TRPC4: variants seen among roughly 807,000 people sequenced by gnomAD.
The protein encoded by TRPC4 is short transient receptor potential channel 4.
In TRPC4, 49 loss-of-function variants were observed where a neutral mutation model predicts 99.4. The ratio of observed to expected loss-of-function variants is 0.49; its 90% confidence interval spans 0.39 to 0.63. The LOEUF (loss-of-function observed/expected upper bound fraction) is 0.63, where lower values mean the gene tolerates loss of function less well. Ranked by LOEUF, TRPC4 falls within the 20% of genes least tolerant of loss-of-function variation. The pLI is 0.00. For synonymous variants in TRPC4, 454 were observed against 425.9 expected (o/e 1.07, Z -0.81); for missense variants, 898 against 1,152.9 (o/e 0.78, Z 3.20).
At chr13:37,815,682 C>T (rs1351264527) in intron 1 of TRPC4, among the ~76,000 whole-genome samples, 1 of 151,790 alleles carries the variant, frequency 6.6e-6, no homozygotes, top group Non-Finnish European at 1.5e-5. Flanking sequence ...ACTTCAAGAC[C>T]CCACTGGCAG....
intron 3 of TRPC4, among the ~76,000 whole-genome samples, chr13:37,699,201 A>C (rs1954020144): frequency 1.3e-5 from 2 of 152,102 alleles, no homozygotes; most frequent in South Asian, 4.1e-4. Context: ...ATGAATTAAT[A>C]TGTGAAAAGT....
In TRPC4 at chr13:37,712,482, G is replaced by A. The variant is rs144728209; in HGVS notation, c.898-20147C>T. Among the ~76,000 whole-genome samples the A allele has an allele frequency of 1.3e-3, 205 of 152,250 alleles. 3 individuals carry two copies. The highest frequency in any genetic ancestry group is 9.9e-3 in the Admixed American group (151 of 15,280). On this transcript the variant is annotated intron_variant, in intron 3 of 10. Transcript: ENST00000379705. ...GTCCCATGCATTTTTTCATTGTCAC[G>A]CTATCAGTGAGCGATCACTGGTGTT...
intron 1 of TRPC4, among the ~76,000 whole-genome samples, chr13:37,826,910 C>T (rs1958240149): frequency 6.6e-6 from 1 of 152,128 alleles, no homozygotes. Flanking sequence ...TCAGGTACAC[C>T]AATCAGACGT....
chr13:37,696,559 G>A (rs936766189), intron 3 of TRPC4, among the ~76,000 whole-genome samples: 4 of 152,096 alleles, frequency 2.6e-5, no homozygotes, highest in East Asian at 1.9e-4. Context: ...AGGAACAACC[G>A]TCCTGGCTAC....
intron 2 of TRPC4, among the ~76,000 whole-genome samples, chr13:37,756,635 C>T (rs180861153): frequency 6.6e-5 from 10 of 150,652 alleles, no homozygotes; most frequent in South Asian, 6.3e-4. Flanking sequence ...CAGGTTCAAT[C>T]GATTCTCCTG....
chr13:37,839,164 A>C (rs940665466), intron 1 of TRPC4, among the ~76,000 whole-genome samples: 1 of 152,146 alleles, frequency 6.6e-6, no homozygotes, highest in Non-Finnish European at 1.5e-5. Flanking sequence ...ATTCCCAGGG[A>C]TTTCTACCAA....
At chr13:37,793,793 A>G (rs1459467147) in intron 1 of TRPC4, among the ~76,000 whole-genome samples, 8 of 152,098 alleles carry the variant, frequency 5.3e-5, no homozygotes, top group Non-Finnish European at 7.4e-5. Context: ...GCTTAAACTG[A>G]AGGGAAATTG....
intron 3 of TRPC4, among the ~76,000 whole-genome samples, chr13:37,712,927 C>T (rs1337572107): frequency 6.6e-6 from 1 of 152,148 alleles, no homozygotes; most frequent in Non-Finnish European, 1.5e-5. Context: ...ATTGAAGATG[C>T]ACATGACTGA....
intron 3 of TRPC4, among the ~76,000 whole-genome samples, chr13:37,706,458 A>AAGTC (rs1214122028): frequency 3.3e-5 from 5 of 152,046 alleles, no homozygotes; most frequent in Non-Finnish European, 5.9e-5. Context: ...TCCAGGTTAG[A>AAGTC]AGTCAGTGCT....
intron 3 of TRPC4, among the ~76,000 whole-genome samples, chr13:37,711,637 C>T (rs1000621550): frequency 3.3e-5 from 5 of 151,862 alleles, no homozygotes; most frequent in Non-Finnish European, 5.9e-5. Context: ...GAAAAAAATA[C>T]AGTAATCTGT....
intron 8 of TRPC4, among the ~76,000 whole-genome samples, chr13:37,647,591 G>T (rs970397720): frequency 6.6e-6 from 1 of 152,172 alleles, no homozygotes; most frequent in Non-Finnish European, 1.5e-5. Flanking sequence ...ATTTCCCCCT[G>T]CTCTGTCTCT....
At chr13:37,689,101 C>T (rs1953593343) in intron 4 of TRPC4, among the ~76,000 whole-genome samples, 1 of 152,154 alleles carries the variant, frequency 6.6e-6, no homozygotes, top group Non-Finnish European at 1.5e-5. Flanking sequence ...CAACACTATA[C>T]CTCCCCCGAA....
At chr13:37,736,330 G>A (rs573254982) in intron 3 of TRPC4, among the ~76,000 whole-genome samples, 3 of 152,094 alleles carry the variant, frequency 2.0e-5, no homozygotes, top group East Asian at 1.9e-4. Flanking sequence ...CTCAGCAATC[G>A]GTCATTGAGC....
intron 8 of TRPC4, among the ~76,000 whole-genome samples, chr13:37,645,263 T>C (rs1951835486): frequency 6.6e-6 from 1 of 152,140 alleles, no homozygotes; most frequent in Non-Finnish European, 1.5e-5. Context: ...AAAGACCATC[T>C]AGTGAGAAAC....
intron 3 of TRPC4, among the ~76,000 whole-genome samples, chr13:37,729,720 G>C (rs1955182235): frequency 6.6e-6 from 1 of 152,068 alleles, no homozygotes; most frequent in African/African-American, 2.4e-5. Context: ...TAGGCTAAGT[G>C]AAATAAGCCA....
intron 2 of TRPC4, among the ~76,000 whole-genome samples, chr13:37,759,926 A>G (rs542172656): frequency 1.3e-5 from 2 of 152,014 alleles, no homozygotes; most frequent in Non-Finnish European, 2.9e-5. Flanking sequence ...AATGTTTTTC[A>G]AAAGAGAAAA....
At position 37,637,047 on chromosome 13, in the gene TRPC4, G is replaced by C; in HGVS notation, c.2790C>G (p.Phe930Leu). 1 of 1,613,686 alleles carries C rather than the reference G, an allele frequency of 6.2e-7. No individual in the cohort carries two copies. Among genetic ancestry groups the C allele is most frequent in the South Asian group, 1.1e-5 (1 of 91,068 alleles). The change falls in exon 11 of 11, where the codon TTC (phenylalanine) becomes TTG (leucine). Residue 930 changes from phenylalanine (F) to leucine (L), a missense_variant. By Grantham distance (22) the Phe-to-Leu change is conservative (BLOSUM62 0). Around this residue, in one of 3 missense-constraint regions of TRPC4, gnomAD observed 346 missense variants for 351.4 expected, o/e 0.98. Coordinates refer to ENST00000379705, the MANE Select transcript of TRPC4 (RefSeq NM_016179.4). The part of the protein sequence containing the change: ...GLQVGKRVCP[F>L]KSEKVVVEDT... ...CCTCCACCACCACCTTCTCTGACTT[G>C]AATGGACACACTCTCTTTCCTACCT...
chr13:37,834,032 C>A (rs770131961), intron 1 of TRPC4, among the ~76,000 whole-genome samples: 6 of 152,100 alleles, frequency 3.9e-5, no homozygotes, highest in Non-Finnish European at 8.8e-5. Context: ...TACTATTTAT[C>A]TTCATGCTAT....
At position 37,726,758 on chromosome 13, in the gene TRPC4, A is replaced by G. The variant is rs543682243; in HGVS notation, c.897+19179T>C. On this transcript the variant is annotated intron_variant, in intron 3 of 10. Transcript: ENST00000379705. ...AAATAGTTTGAAAGTGAAAGAATAA[A>G]AAAGGCAATGACATGAAAATAGTAA... is the stretch of plus-strand genomic sequence containing the variant. Among the ~76,000 whole-genome samples the G allele has an allele frequency of 6.9e-4, 105 of 152,312 alleles. 1 individual carries two copies. The South Asian group carries it at 0.02, about 29-fold the overall frequency.
Sources: allele counts gnomAD v4.1 joint callset (sites outside exome capture counted in the v4.1 genomes callset), GRCh38; gene constraint gnomAD v4.1.1; regional missense constraint gnomAD v4.1.1; transcripts MANE v1.5; gene names NCBI Gene and HGNC (gene_info 2026-07-23, HGNC 2026-07-21).